The following GALNT17 variants were observed in gnomAD, a reference collection of about 807,000 sequenced individuals.
GALNT17 encodes polypeptide N-acetylgalactosaminyltransferase 17.
GALNT17 carries 29 observed loss-of-function variants against 63.7 expected under a neutral mutation model. The observed-to-expected ratio is 0.46, with a 90% CI of 0.34 to 0.62. GALNT17 has a LOEUF of 0.62. GALNT17 is among the 20% of genes least tolerant of loss of function. The pLI is 0.01. For missense variants in GALNT17, 603 were observed against 799.6 expected (o/e 0.75, Z 2.97); for synonymous variants, 305 against 318.3 (o/e 0.96, Z 0.45).
intron 5 of GALNT17, among the ~76,000 whole-genome samples, chr7:71,562,381 C>T (rs1789270970): frequency 6.6e-6 from 1 of 152,166 alleles, no homozygotes; most frequent in African/African-American, 2.4e-5. Context: ...AACCAGAAAT[C>T]ATTATTATTA....
chr7:71,571,509 G>A, intron 6 of GALNT17, 107 bp downstream of exon 6: 1 of 888,178 alleles, frequency 1.1e-6, no homozygotes, highest in East Asian at 2.5e-5. Context: ...ATGAATGACA[G>A]ATTCATTTAC....
Position 71,391,726 on chromosome 7 carries a change from A to G in GALNT17, c.589+3325A>G, listed in dbSNP as rs1010641074. 4.6e-5 allele frequency among the ~76,000 whole-genome samples: 7 copies of G among 152,182 alleles called. No homozygotes were observed. The East Asian group carries it at 1.2e-3, about 25-fold the overall frequency. ...AGTCTCAAACTCCTGGGCTCAAATGATCCTCCTGCCTCAGCCTCCCAATGT... is the reference window on the plus strand; with the variant it reads ...AGTCTCAAACTCCTGGGCTCAAATGGTCCTCCTGCCTCAGCCTCCCAATGT... On this transcript the variant is annotated intron_variant, in intron 3 of 10. Coordinates refer to ENST00000333538, the MANE Select transcript of GALNT17 (RefSeq NM_022479.3).
rs574352086 is a variant in GALNT17 at position 71,201,204 on chromosome 7, A to G, written c.238+68164A>G. 1.7e-3 allele frequency among the ~76,000 whole-genome samples: 222 copies of G among 127,302 alleles called. 1 individual carries two copies. Among genetic ancestry groups the G allele is most frequent in the African/African-American group, 6.5e-3 (209 of 31,916 alleles). The allele number at this position is 127,302 out of a possible 152,430, so 83.5% of individuals were successfully genotyped here. On this transcript the variant is annotated intron_variant, in intron 1 of 10. Coordinates refer to ENST00000333538, the MANE Select transcript of GALNT17 (RefSeq NM_022479.3). ...CGTGTATGTGCAGGAAACTGGTACC[A>G]TATTTTTTCTTTGTATGGGGGTGTG...
chr7:71,266,712 A>C (rs1426051850), intron 1 of GALNT17, among the ~76,000 whole-genome samples: 1 of 152,120 alleles, frequency 6.6e-6, no homozygotes, highest in Non-Finnish European at 1.5e-5. Context: ...GATTGAGCGT[A>C]TTGTAGGGGA....
At chr7:71,525,160 G>A (rs1424383236) in intron 5 of GALNT17, among the ~76,000 whole-genome samples, 1 of 151,910 alleles carries the variant, frequency 6.6e-6, no homozygotes, top group Non-Finnish European at 1.5e-5. Context: ...TATTACTTTT[G>A]TGTGTGTGTG....
At chr7:71,209,427 G>A (rs1789335341) in intron 1 of GALNT17, among the ~76,000 whole-genome samples, 1 of 152,086 alleles carries the variant, frequency 6.6e-6, no homozygotes, top group Non-Finnish European at 1.5e-5. Context: ...GGGGAACTGG[G>A]GCTTCTTGAA....
intron 6 of GALNT17, among the ~76,000 whole-genome samples, chr7:71,607,819 A>G (rs1790068794): frequency 6.6e-6 from 1 of 152,234 alleles, no homozygotes; most frequent in African/African-American, 2.4e-5. Context: ...TCAATAGAGT[A>G]AACCAAATGT....
chr7:71,566,217 TGCA>T (rs1303558206), intron 5 of GALNT17, among the ~76,000 whole-genome samples: 3 of 152,148 alleles, frequency 2.0e-5, no homozygotes, highest in Admixed American at 1.3e-4. Context: ...TTGATGCTGA[TGCA>T]GTCAGCCCCT....
rs11976752 is a variant in GALNT17, at chr7:71,516,863, G to A, written c.963-54422G>A. 7.5e-3 allele frequency among the ~76,000 whole-genome samples: 1,138 copies of A among 152,240 alleles called. 19 individuals carry two copies. Among genetic ancestry groups the A allele is most frequent in the African/African-American group, 0.026 (1,086 of 41,534 alleles). On this transcript the variant is annotated intron_variant, in intron 5 of 10. Transcript: ENST00000333538. ...TATCCTTCGTGGCTAAACTTCCTAT[G>A]TTTGACCTACCAAGAAAACAATTAC...
At chr7:71,512,251 C>T (rs533131833) in intron 5 of GALNT17, among the ~76,000 whole-genome samples, 5 of 152,208 alleles carry the variant, frequency 3.3e-5, no homozygotes, top group South Asian at 2.1e-4. Flanking sequence ...GTGATCCGCC[C>T]GCCTCACTCC....
chr7:71,691,181 A>G (rs1791437673), intron 9 of GALNT17, among the ~76,000 whole-genome samples: 1 of 152,168 alleles, frequency 6.6e-6, no homozygotes, highest in African/African-American at 2.4e-5. Context: ...AACATTCAGC[A>G]ACCACCACCC....
intron 5 of GALNT17, among the ~76,000 whole-genome samples, chr7:71,428,908 G>A (rs1005002322): frequency 2.0e-5 from 3 of 152,176 alleles, no homozygotes; most frequent in African/African-American, 7.2e-5. Context: ...TCGCACACCA[G>A]TGAGCATGTG....
chr7:71,497,793 C>T (rs1788120175), intron 5 of GALNT17, among the ~76,000 whole-genome samples: 1 of 152,188 alleles, frequency 6.6e-6, no homozygotes, highest in African/African-American at 2.4e-5. Context: ...GGCCAGAAGG[C>T]ATGGGAACAC....
At chr7:71,581,069 A>G (rs757229377) in intron 6 of GALNT17, among the ~76,000 whole-genome samples, 2 of 152,200 alleles carry the variant, frequency 1.3e-5, no homozygotes, top group African/African-American at 2.4e-5. Flanking sequence ...ACGTACAATC[A>G]TGGTGGAAGG....
At chr7:71,705,286 A>G (rs1045277326) in intron 9 of GALNT17, among the ~76,000 whole-genome samples, 1 of 152,210 alleles carries the variant, frequency 6.6e-6, no homozygotes, top group African/African-American at 2.4e-5. Context: ...TAGTCATTAG[A>G]GAAATGCAAA....
At chr7:71,173,639 G>A (rs1045689630) in intron 1 of GALNT17, among the ~76,000 whole-genome samples, 12 of 152,042 alleles carry the variant, frequency 7.9e-5, no homozygotes, top group Admixed American at 2.0e-4. Flanking sequence ...TGGGCATGGC[G>A]GTGCACACTT....
At chr7:71,417,019 A>C (rs534800105) in intron 4 of GALNT17, among the ~76,000 whole-genome samples, 70 of 152,332 alleles carry the variant, frequency 4.6e-4, no homozygotes, top group South Asian at 1.0e-3. Flanking sequence ...GTTTTAAAGC[A>C]TGGTCAGATA....
At chr7:71,498,008 C>T (rs932048857) in intron 5 of GALNT17, among the ~76,000 whole-genome samples, 3 of 152,216 alleles carry the variant, frequency 2.0e-5, no homozygotes, top group Admixed American at 6.5e-5. Context: ...TGTGTATGCA[C>T]ATGCGTGTGG....
At chr7:71,554,098 C>T (rs530991673) in intron 5 of GALNT17, among the ~76,000 whole-genome samples, 1 of 152,372 alleles carries the variant, frequency 6.6e-6, no homozygotes, top group Non-Finnish European at 1.5e-5. Context: ...TGGGTACCCT[C>T]CTGTCCCCTG....
Sources: allele counts gnomAD v4.1 joint callset (sites outside exome capture counted in the v4.1 genomes callset), GRCh38; gene constraint gnomAD v4.1.1; transcripts MANE v1.5; gene names NCBI Gene and HGNC (gene_info 2026-07-23, HGNC 2026-07-21).